The following FUT9 variants were observed in gnomAD, a reference collection of about 807,000 sequenced individuals.
The protein encoded by FUT9 is 4-galactosyl-N-acetylglucosaminide 3-alpha-L-fucosyltransferase 9.
Under a neutral mutation model 29.7 loss-of-function variants are expected in FUT9, and 15 were observed. The observed-to-expected ratio is 0.51, with a 90% CI of 0.34 to 0.78. FUT9 has a LOEUF of 0.78. FUT9 is among the 30% of genes least tolerant of loss of function. The pLI, the probability that FUT9 is intolerant of heterozygous loss-of-function variation, is 0.01. For synonymous variants in FUT9, 169 were observed against 153.7 expected, an observed-to-expected ratio of 1.10 and a Z score of -0.74; for missense variants, 319 against 425.4, an observed-to-expected ratio of 0.75 and a Z score of 2.20.
chr6:96,037,562 G>A (rs1770384969), intron 1 of FUT9: 1 of 151,884 alleles, frequency 6.6e-6, no homozygotes, highest in Admixed American at 6.6e-5. Flanking sequence ...ATGAAGTTGG[G>A]GAACAGCAAA....
intron 1 of FUT9, among the ~76,000 whole-genome samples, chr6:96,041,272 T>G (rs551698800): frequency 6.6e-6 from 1 of 152,008 alleles, no homozygotes; most frequent in Non-Finnish European, 1.5e-5. Context: ...GAATTCTTAT[T>G]TAAGTGTTCT....
chr6:96,105,478 T>C (rs1295970364), intron 1 of FUT9, among the ~76,000 whole-genome samples: 1 of 152,210 alleles, frequency 6.6e-6, no homozygotes, highest in Non-Finnish European at 1.5e-5. Flanking sequence ...TGCCATAGCA[T>C]AAAATAGCTA....
chr6:96,085,253 T>C lies in FUT9; in HGVS notation c.-97-28786T>C, dbSNP rs117795001. Among the ~76,000 whole-genome samples the C allele has an allele frequency of 5.7e-3, 870 of 152,278 alleles. 4 individuals are homozygous for C. The highest frequency in any genetic ancestry group is 6.9e-3 in the Non-Finnish European group (470 of 68,016). On this transcript the variant is annotated intron_variant, in intron 1 of 2. Coordinates refer to ENST00000302103, the MANE Select transcript of FUT9 (RefSeq NM_006581.4). ...AGCATACTGTGTAGCTTATAAACAA[T>C]AAGAATGTATTTCTTATGGTTCAGG...
rs528857353 is a variant in FUT9, at chr6:96,116,079, T to TA, written c.-9+1958dup. The stretch of plus-strand genomic sequence containing the variant: ...ATAAAAGATTTGTATCCATAATATA[T>TA]AAAAAACTCTTAAAACGTAATAAGA... On this transcript the variant is annotated intron_variant, in intron 2 of 2. Transcript: ENST00000302103. 4.7e-4 allele frequency among the ~76,000 whole-genome samples: 72 copies of TA among 152,190 alleles called. No homozygotes were observed. In the East Asian group the frequency reaches 4.8e-3, roughly 10 times the overall value.
intron 1 of FUT9, among the ~76,000 whole-genome samples, chr6:96,057,564 A>G (rs1264631201): frequency 2.0e-5 from 3 of 152,212 alleles, no homozygotes; most frequent in Admixed American, 6.6e-5. Context: ...TTGATTTTAT[A>G]AACTTATTTT....
chr6:96,108,566 C>G (rs896792087), intron 1 of FUT9, among the ~76,000 whole-genome samples: 2 of 152,096 alleles, frequency 1.3e-5, no homozygotes, highest in African/African-American at 2.4e-5. Context: ...GAATCAAGCT[C>G]TCAGCATGAC....
At chr6:96,068,004 A>C (rs1438932998) in intron 1 of FUT9, among the ~76,000 whole-genome samples, 1 of 152,174 alleles carries the variant, frequency 6.6e-6, no homozygotes, top group Non-Finnish European at 1.5e-5. Context: ...TAATGTCACT[A>C]TTATCATACA....
intron 2 of FUT9, among the ~76,000 whole-genome samples, chr6:96,183,390 A>C (rs1174232731): frequency 6.6e-6 from 1 of 152,062 alleles, no homozygotes; most frequent in Admixed American, 6.6e-5. Flanking sequence ...TATAATCAGC[A>C]AACAGTGACA....
chr6:96,051,986 GAAGA>G (rs1475077852), intron 1 of FUT9, among the ~76,000 whole-genome samples: 3 of 152,074 alleles, frequency 2.0e-5, no homozygotes, highest in Non-Finnish European at 4.4e-5. Flanking sequence ...AAGCTGCTAT[GAAGA>G]AATACCCAAG....
At chr6:96,144,564 G>T (rs960757225) in intron 2 of FUT9, among the ~76,000 whole-genome samples, 2 of 152,178 alleles carry the variant, frequency 1.3e-5, no homozygotes, top group Non-Finnish European at 2.9e-5. Context: ...GGGCTATAAA[G>T]GAGGAAATCT....
At chr6:96,031,188 G>T (rs2076084316) in intron 1 of FUT9, among the ~76,000 whole-genome samples, 1 of 151,522 alleles carries the variant, frequency 6.6e-6, no homozygotes, top group South Asian at 2.1e-4. Context: ...CCTAGAGATG[G>T]TTATTTCACA....
chr6:96,203,329 T>C lies in FUT9; in HGVS notation c.174T>C (p.Thr58=). Residue 58 remains threonine, a synonymous_variant, in exon 3 of 3, where the codon ACT becomes ACC. Coordinates refer to ENST00000302103, the MANE Select transcript of FUT9 (RefSeq NM_006581.4). ...LKMKNFFSTK[T]DYFNETTILV... Reference sequence around the variant, plus strand: ...TGAAAAACTTCTTTTCCACCAAAACTGATTATTTTAATGAAACTACTATTC... The same window carrying C: ...TGAAAAACTTCTTTTCCACCAAAACCGATTATTTTAATGAAACTACTATTC... 1 of 1,613,838 alleles carries C rather than the reference T, an allele frequency of 6.2e-7. No individual in the cohort carries two copies.
intron 2 of FUT9, among the ~76,000 whole-genome samples, chr6:96,192,777 G>T (rs1159213650): frequency 1.3e-5 from 2 of 152,170 alleles, no homozygotes; most frequent in East Asian, 1.9e-4. Context: ...AAAGCTGGAG[G>T]CATCACACTA....
rs941931092 is a variant in FUT9, at chr6:96,028,089, G to A, written c.-98+11877G>A. Among the ~76,000 whole-genome samples the A allele has an allele frequency of 7.9e-5, 12 of 151,708 alleles. No individual in the cohort carries two copies. The South Asian group carries it at 1.9e-3, about 24-fold the overall frequency. ...GGTCAAGAAATGACTGGCTTGCTTG[G>A]AGTATGCCAGTGGCAATCTTGTGCA... On this transcript the variant is annotated intron_variant, in intron 1 of 2. Transcript: ENST00000302103.
rs1360023419 is a variant in FUT9 at position 96,203,595 on chromosome 6, G to T, written c.440G>T (p.Gly147Val). ...CCAACTCACACTCCCCAAAAGAGTG[G>T]CATTGAGCACTTGTTTAACCTGACT... ...ESPTHTPQKS[G>V]IEHLFNLTLT... The change falls in exon 3 of 3, where the codon GGC (glycine) becomes GTC (valine). Residue 147 changes from glycine to valine, a missense_variant. Physicochemically the swap from Gly to Val is moderately radical, Grantham distance 109. Transcript: ENST00000302103. The T allele has an allele frequency of 1.2e-6, 2 of 1,613,732 alleles. No individual in the cohort carries two copies. Among genetic ancestry groups the T allele is most frequent in the Non-Finnish European group, 1.7e-6 (2 of 1,179,938 alleles).
chr6:96,080,846 C>G (rs1009353521), intron 1 of FUT9, among the ~76,000 whole-genome samples: 1 of 151,862 alleles, frequency 6.6e-6, no homozygotes, highest in Non-Finnish European at 1.5e-5. Context: ...TTATACATCT[C>G]AAAAATGGCA....
intron 2 of FUT9, among the ~76,000 whole-genome samples, chr6:96,148,534 ATTGATTCCTGAGTTC>A (rs1371864507): frequency 1.3e-5 from 2 of 152,192 alleles, no homozygotes; most frequent in Non-Finnish European, 2.9e-5. Context: ...TCTGAAGGCT[ATTGATTCCTGAGTTC>A]TTGATACTTT....
At chr6:96,089,812 C>T (rs2127953436) in intron 1 of FUT9, among the ~76,000 whole-genome samples, 1 of 152,226 alleles carries the variant, frequency 6.6e-6, no homozygotes, top group Admixed American at 6.5e-5. Context: ...GCCTCTAAAT[C>T]CACAATACCC....
chr6:96,131,796 A>G (rs1772249883), intron 2 of FUT9, among the ~76,000 whole-genome samples: 1 of 152,142 alleles, frequency 6.6e-6, no homozygotes, highest in African/African-American at 2.4e-5. Context: ...CTGGTATACA[A>G]CAAATTTATT....
Sources: allele counts gnomAD v4.1 joint callset (sites outside exome capture counted in the v4.1 genomes callset), GRCh38; gene constraint gnomAD v4.1.1; transcripts MANE v1.5; gene names NCBI Gene and HGNC (gene_info 2026-07-23, HGNC 2026-07-21).